Variants in EPHA5 observed in about 807,000 individuals in gnomAD.
The protein encoded by EPHA5 is ephrin type-A receptor 5.
A neutral mutation model predicts 105.0 loss-of-function variants in EPHA5; 60 were observed. That is an observed-to-expected ratio of 0.57 (90% CI 0.46 to 0.71). The LOEUF is 0.71. Among genes scored for constraint, EPHA5 ranks in the 30% least tolerant of loss-of-function variants. EPHA5 has a pLI of 0.00. For synonymous variants in EPHA5, 513 were observed against 449.1 expected (o/e 1.14, Z -1.80); for missense variants, 1,218 against 1,274.7 (o/e 0.96, Z 0.68).
intron 4 of EPHA5, among the ~76,000 whole-genome samples, chr4:65,494,021 C>A (rs1263746891): frequency 2.0e-5 from 3 of 152,138 alleles, no homozygotes; most frequent in Admixed American, 6.6e-5. Context: ...CCACTGGAAC[C>A]AAAATTCATC....
At chr4:65,552,737 C>T (rs558294826) in intron 3 of EPHA5, among the ~76,000 whole-genome samples, 1 of 152,182 alleles carries the variant, frequency 6.6e-6, no homozygotes, top group East Asian at 1.9e-4. Context: ...CAAGGGTTTT[C>T]TCTGCATGTT....
chr4:65,492,204 T>C, intron 4 of EPHA5, among the ~76,000 whole-genome samples: 1 of 151,990 alleles, frequency 6.6e-6, no homozygotes, highest in East Asian at 1.9e-4. Context: ...TAGAATGTCA[T>C]TTATCTATTT....
In EPHA5 at chr4:65,664,903, G is replaced by A. The variant is rs370492192; in HGVS notation, c.181+4659C>T. On this transcript the variant is annotated intron_variant, in intron 1 of 16. Transcript: ENST00000613740. ...AATTCAAACCTCAGTTAATTCTGAT[G>A]CTTTATAAAAACCATTGTGAGCTAT... Among the ~76,000 whole-genome samples the A allele has an allele frequency of 1.3e-4, 19 of 151,942 alleles. No individual in the cohort carries two copies. In the South Asian group the frequency reaches 2.7e-3, roughly 22 times the overall value.
intron 2 of EPHA5, among the ~76,000 whole-genome samples, chr4:65,622,782 C>T (rs1332230191): frequency 6.6e-6 from 1 of 151,620 alleles, no homozygotes; most frequent in Non-Finnish European, 1.5e-5. Flanking sequence ...TGGGCTTTAC[C>T]TGTGGAAAAA....
At chr4:65,551,563 T>C (rs1454010436) in intron 3 of EPHA5, among the ~76,000 whole-genome samples, 2 of 152,144 alleles carry the variant, frequency 1.3e-5, no homozygotes, top group African/African-American at 2.4e-5. Flanking sequence ...TCACTACTTT[T>C]CTTAGCCACT....
chr4:65,449,733 A>C (rs1045017193), intron 5 of EPHA5, among the ~76,000 whole-genome samples: 6 of 152,102 alleles, frequency 3.9e-5, no homozygotes, highest in Non-Finnish European at 7.4e-5. Flanking sequence ...GGTGAGCCCT[A>C]CTCTGATATG....
intron 5 of EPHA5, among the ~76,000 whole-genome samples, chr4:65,482,641 A>C (rs920680818): frequency 1.3e-5 from 2 of 152,124 alleles, no homozygotes; most frequent in Non-Finnish European, 2.9e-5. Context: ...AAGGTCTGGG[A>C]AGAAAAAAAT....
intron 8 of EPHA5, among the ~76,000 whole-genome samples, chr4:65,388,665 G>GT (rs368258815): frequency 6.9e-6 from 1 of 145,148 alleles, no homozygotes; most frequent in Non-Finnish European, 1.5e-5. Flanking sequence ...TGATGGGGTT[G>GT]TTTTTTTCTT....
At chr4:65,339,545 T>G (rs544539117) in intron 14 of EPHA5, among the ~76,000 whole-genome samples, 30 of 152,302 alleles carry the variant, frequency 2.0e-4, no homozygotes, top group African/African-American at 7.2e-4. Context: ...AGGGCATATT[T>G]CTGGTCACAA....
chr4:65,562,085 G>T (rs1435812839), intron 3 of EPHA5, among the ~76,000 whole-genome samples: 3 of 151,996 alleles, frequency 2.0e-5, no homozygotes, highest in Non-Finnish European at 4.4e-5. Context: ...GATTATTTTG[G>T]ATTTTGAGTC....
chr4:65,538,699 G>T (rs992241771), intron 3 of EPHA5, among the ~76,000 whole-genome samples: 1 of 151,588 alleles, frequency 6.6e-6, no homozygotes. Flanking sequence ...GGCACATAGC[G>T]ATCCAAGCAG....
At position 65,601,923 on chromosome 4, in the gene EPHA5, A is replaced by G. The variant is rs774550681; in HGVS notation, c.628T>C (p.Phe210Leu). The G allele has an allele frequency of 6.2e-7, 1 of 1,614,064 alleles. No individual in the cohort carries two copies. The highest frequency in any genetic ancestry group is 8.5e-7 in the Non-Finnish European group (1 of 1,179,986). Residue 210 changes from phenylalanine (F) to leucine (L), a missense_variant, in exon 3 of 17, where the codon TTT becomes CTT. This residue lies in a region of EPHA5 where 971 missense variants were observed against 1,013.5 expected (regional missense o/e 0.96). Transcript: ENST00000613740. ...CCAACATCTTGAAAAGCAAGATAAAATCCCTTTTTGCTTAGAGGTCCTACA... is the reference window on the plus strand; with the variant it reads ...CCAACATCTTGAAAAGCAAGATAAAGTCCCTTTTTGCTTAGAGGTCCTACA... ...RDVGPLSKKG[F>L]YLAFQDVGAC...
At chr4:65,441,276 T>A (rs941929935) in intron 5 of EPHA5, among the ~76,000 whole-genome samples, 7 of 151,888 alleles carry the variant, frequency 4.6e-5, no homozygotes, top group African/African-American at 1.7e-4. Flanking sequence ...TAAAAAAAGT[T>A]TAGCTTCATG....
chr4:65,327,844 T>C (rs1720225853), intron 16 of EPHA5, among the ~76,000 whole-genome samples: 1 of 151,188 alleles, frequency 6.6e-6, no homozygotes, highest in Admixed American at 6.6e-5. Context: ...TTCTAAGTAG[T>C]TTAGTCTCAC....
intron 5 of EPHA5, among the ~76,000 whole-genome samples, chr4:65,459,325 A>C (rs570437344): frequency 1.3e-5 from 2 of 151,968 alleles, no homozygotes; most frequent in Non-Finnish European, 2.9e-5. Flanking sequence ...AAAACAAAAC[A>C]ACAATTTCAA....
At chr4:65,569,072 T>G (rs1188451284) in intron 3 of EPHA5, among the ~76,000 whole-genome samples, 1 of 151,406 alleles carries the variant, frequency 6.6e-6, no homozygotes, top group Non-Finnish European at 1.5e-5. Flanking sequence ...TATGCAAACA[T>G]GCCATTGCAA....
chr4:65,514,004 C>T (rs1458341042), intron 3 of EPHA5, among the ~76,000 whole-genome samples: 1 of 152,050 alleles, frequency 6.6e-6, no homozygotes, highest in East Asian at 1.9e-4. Context: ...TCAGTAAATT[C>T]TTCTTTATCT....
intron 2 of EPHA5, among the ~76,000 whole-genome samples, chr4:65,616,428 TAC>T (rs34942929): frequency 6.1e-4 from 87 of 143,600 alleles, no homozygotes; most frequent in East Asian, 5.9e-3. Context: ...ACTTAATGCA[TAC>T]ACACACACAC....
rs111748696 is a variant in EPHA5 at position 65,321,611 on chromosome 4, C to T, written c.*2503G>A. The T allele has an allele frequency of 3.4e-3, 773 of 229,136 alleles. 1 individual carries two copies. The highest frequency in any genetic ancestry group is 5.2e-3 in the Non-Finnish European group (603 of 115,432). 14.2% of individuals were successfully genotyped at this position (229,136 alleles called of 1,614,324 possible). On this transcript the variant is annotated 3_prime_UTR_variant, in exon 17 of 17. Coordinates refer to ENST00000613740, the MANE Select transcript of EPHA5 (RefSeq NM_001281766.3). ...GAAAACTATGTGGCTATTTAACTTT[C>T]CTTTCAATTTACTTTCCAAAATGAT...
Sources: allele counts gnomAD v4.1 joint callset (sites outside exome capture counted in the v4.1 genomes callset), GRCh38; gene constraint gnomAD v4.1.1; regional missense constraint gnomAD v4.1.1; transcripts MANE v1.5; gene names NCBI Gene and HGNC (gene_info 2026-07-23, HGNC 2026-07-21).